The following SLC13A5 variants were observed in gnomAD, a reference collection of about 807,000 sequenced individuals.
SLC13A5 encodes Na(+)/citrate cotransporter.
A neutral mutation model predicts 56.5 loss-of-function variants in SLC13A5; 25 were observed. The observed-to-expected ratio is 0.44, with a 90% CI of 0.32 to 0.62. The LOEUF is 0.62. Among genes scored for constraint, SLC13A5 ranks in the 20% least tolerant of loss-of-function variants. The probability of loss-of-function intolerance (pLI) is 0.04; values close to 1 mark genes in which losing one functional copy is unlikely to be tolerated. For missense variants in SLC13A5, 649 were observed against 737.8 expected (o/e 0.88, Z 1.39); for synonymous variants, 307 against 301.5 (o/e 1.02, Z -0.19).
At chr17:6,690,656 G>T in intron 10 of SLC13A5, 123 bp downstream of exon 10, 4 of 1,365,204 alleles carry the variant, frequency 2.9e-6, no homozygotes, top group Non-Finnish European at 4.1e-6. Flanking sequence ...GTCACAGTCA[G>T]ACCTGGGTCT....
At chr17:6,698,391 G>A (rs2151489674) in intron 6 of SLC13A5, among the ~76,000 whole-genome samples, 1 of 152,344 alleles carries the variant, frequency 6.6e-6, no homozygotes, top group East Asian at 1.9e-4. Flanking sequence ...TCTGCCTCTG[G>A]CCAGACAAGA....
At chr17:6,712,959 T>A (rs1233605533) in intron 1 of SLC13A5, among the ~76,000 whole-genome samples, 1 of 152,222 alleles carries the variant, frequency 6.6e-6, no homozygotes, top group Non-Finnish European at 1.5e-5. Context: ...CTGAGATCTG[T>A]GCTCACTTCG....
intron 1 of SLC13A5, among the ~76,000 whole-genome samples, chr17:6,708,737 G>A (rs1285907005): frequency 6.6e-6 from 1 of 152,228 alleles, no homozygotes; most frequent in African/African-American, 2.4e-5. Context: ...GCAGCTCAGG[G>A]TACAAGGTGG....
intron 6 of SLC13A5, 64 bp downstream of exon 6, chr17:6,700,940 A>C (rs1973694654): frequency 6.2e-7 from 1 of 1,605,672 alleles, no homozygotes; most frequent in South Asian, 1.1e-5. Context: ...ATTGAGTCTG[A>C]GGGCTCTTCT....
At chr17:6,696,540 C>T (rs573315801) in intron 6 of SLC13A5, among the ~76,000 whole-genome samples, 1 of 151,990 alleles carries the variant, frequency 6.6e-6, no homozygotes, top group African/African-American at 2.4e-5. Flanking sequence ...CCTGGATGGG[C>T]CCCCTTGGGA....
At chr17:6,705,533 T>C (rs973651338) in intron 3 of SLC13A5, 4 of 152,168 alleles carry the variant, frequency 2.6e-5, no homozygotes, top group African/African-American at 7.2e-5. Flanking sequence ...CTAGAAAATA[T>C]GATGGCTTTT....
rs574248364 is a variant in SLC13A5, at chr17:6,704,337, G to T, written c.369-281C>A. The T allele has an allele frequency of 7.0e-4, 403 of 572,988 alleles. 5 individuals carry two copies. The highest frequency in any genetic ancestry group is 6.0e-3 in the South Asian group (385 of 64,242). 35.5% of individuals were successfully genotyped at this position (572,988 alleles called of 1,614,324 possible). ...GGGTTACCAAGAGGCCTCAGATCCA[G>T]TCGTGGTTCTAAGGAGCACCCCTGC... On this transcript the variant is annotated intron_variant, in intron 3 of 11. Coordinates refer to ENST00000433363, the MANE Select transcript of SLC13A5 (RefSeq NM_177550.5).
At chr17:6,690,662 G>A in intron 10 of SLC13A5, 117 bp downstream of exon 10, 2 of 1,404,554 alleles carry the variant, frequency 1.4e-6, no homozygotes, top group East Asian at 4.6e-5. Context: ...GTCAGACCTG[G>A]GTCTCCAAAG....
intron 4 of SLC13A5, among the ~76,000 whole-genome samples, chr17:6,703,662 G>T (rs1453740266): frequency 1.3e-5 from 2 of 152,220 alleles, no homozygotes; most frequent in Non-Finnish European, 2.9e-5. Flanking sequence ...CTGAGGGTGA[G>T]ACTTTGTTCA....
chr17:6,700,966 A>C, intron 6 of SLC13A5, 38 bp downstream of exon 6: 1 of 1,612,252 alleles, frequency 6.2e-7, no homozygotes, highest in Non-Finnish European at 8.5e-7. Context: ...TTTGAGGCAT[A>C]ATTAGGCATA....
At chr17:6,694,563 A>T (rs1973508692) in intron 7 of SLC13A5, among the ~76,000 whole-genome samples, 1 of 152,120 alleles carries the variant, frequency 6.6e-6, no homozygotes, top group African/African-American at 2.4e-5. Flanking sequence ...GTGAGTTGAG[A>T]TCATGCCATT....
At chr17:6,688,954 T>C (rs1973322937) in intron 10 of SLC13A5, 1 of 152,220 alleles carries the variant, frequency 6.6e-6, no homozygotes, top group Non-Finnish European at 1.5e-5. Flanking sequence ...ATTTTATTAC[T>C]CTTTGAAACT....
At position 6,711,617 on chromosome 17, in the gene SLC13A5, T is replaced by C. The variant is rs1196421512; in HGVS notation, c.102+1615A>G. ...GTGTGTGTTTGTGCGTGTGTTTTTG[T>C]GTGTGTTTGTGTTTGTGCGTGTGTT... On this transcript the variant is annotated intron_variant, in intron 1 of 11. Coordinates refer to ENST00000433363, the MANE Select transcript of SLC13A5 (RefSeq NM_177550.5). The surrounding 1 kb of genome is among the most constrained non-coding windows in gnomAD (Gnocchi z 4.0). 6.6e-6 allele frequency among the ~76,000 whole-genome samples: 1 copy of C among 150,904 alleles called. No individual in the cohort carries two copies. Among genetic ancestry groups the C allele is most frequent in the Non-Finnish European group, 1.5e-5 (1 of 67,648 alleles).
chr17:6,691,075 C>G (rs1225406758), intron 9 of SLC13A5, 135 bp from the exon 10 acceptor site: 13 of 932,148 alleles, frequency 1.4e-5, no homozygotes, highest in Middle Eastern at 6.9e-4. Flanking sequence ...CCATTCCCAC[C>G]ATTTTCATCC....
chr17:6,685,144 A>C lies in SLC13A5; in HGVS notation c.*1063T>G, dbSNP rs960584447. The stretch of plus-strand genomic sequence containing the variant: ...CTGTTGTCACCAGCCATGGCTGTGA[A>C]GGCCAGTCAACAAAGGGAAGATTTT... On this transcript the variant is annotated 3_prime_UTR_variant, in exon 12 of 12. Coordinates refer to ENST00000433363, the MANE Select transcript of SLC13A5 (RefSeq NM_177550.5). This position sits in a 1 kb window ranked among gnomAD's most constrained non-coding sequence, Gnocchi z 4.2. 6 of 152,262 alleles carry C rather than the reference A, an allele frequency of 3.9e-5. No individual in the cohort carries two copies. Among genetic ancestry groups the C allele is most frequent in the Non-Finnish European group, 8.8e-5 (6 of 68,068 alleles). 9.4% of individuals were successfully genotyped at this position (152,262 alleles called of 1,614,324 possible). A position where few individuals can be genotyped will look rare whatever the true frequency, so the allele number is the denominator to read the frequency against.
chr17:6,713,109 G>A lies in SLC13A5; in HGVS notation c.102+123C>T. 3.2e-6 allele frequency: 3 copies of A among 941,010 alleles called. No individual in the cohort carries two copies. Among genetic ancestry groups the A allele is most frequent in the South Asian group, 3.1e-5 (2 of 65,482 alleles). 58.3% of individuals were successfully genotyped at this position (941,010 alleles called of 1,614,324 possible). On this transcript the variant is annotated intron_variant, in intron 1 of 11. Transcript: ENST00000433363. This position sits in a 1 kb window ranked among gnomAD's most constrained non-coding sequence, Gnocchi z 7.3. ...GCACCTGGAGCTCCTGAGTGCGCGC[G>A]CCCCGGGAGAGCTGTGCTCCCCGCG...
At chr17:6,712,291 C>T (rs1212986380) in intron 1 of SLC13A5, among the ~76,000 whole-genome samples, 10 of 152,186 alleles carry the variant, frequency 6.6e-5, no homozygotes, top group Admixed American at 3.9e-4. Flanking sequence ...CTGGAGGTTT[C>T]CTGTCTGGGC....
chr17:6,690,973 G>A (rs202153210), intron 9 of SLC13A5, 33 bp from the exon 10 acceptor site: 20 of 1,571,672 alleles, frequency 1.3e-5, no homozygotes, highest in East Asian at 4.5e-5. Flanking sequence ...TCATCTCAGC[G>A]CTCCCAGCTT....
chr17:6,707,078 G>C lies in SLC13A5; in HGVS notation c.181C>G (p.Leu61Val), dbSNP rs1467934800. The change falls in exon 2 of 12, where the codon CTC becomes GTC. Residue 61 changes from leucine to valine, a missense_variant. Transcript: ENST00000433363. ...AGTGGGAAAAGCAAGACAGGCATGA[G>C]AGAGGTGACAGCCAGAGGGATGACT... ...TEVIPLAVTSLMPVLLFPLFQ... is the reference protein window; with the variant it reads ...TEVIPLAVTSVMPVLLFPLFQ... 1 of 1,614,114 alleles carries C rather than the reference G, an allele frequency of 6.2e-7. No individual in the cohort carries two copies. Among genetic ancestry groups the C allele is most frequent in the Non-Finnish European group, 8.5e-7 (1 of 1,180,024 alleles).
Sources: gnomAD v4.1 joint callset for allele counts (sites outside exome capture counted in the v4.1 genomes callset) on GRCh38, gnomAD v4.1.1 for gene constraint, Gnocchi (gnomAD v3.1) non-coding constraint, MANE v1.5 for transcripts, NCBI Gene and HGNC (gene_info 2026-07-23, HGNC 2026-07-21) for gene names.